PPFIA1: variants seen among roughly 807,000 people sequenced by gnomAD.
PPFIA1 encodes PPFI scaffold protein A1.
A neutral mutation model predicts 149.9 loss-of-function variants in PPFIA1; 25 were observed. The ratio of observed to expected loss-of-function variants is 0.17; its 90% CI spans 0.12 to 0.23. PPFIA1 has a LOEUF of 0.23. Among genes scored for constraint, PPFIA1 ranks in the 10% least tolerant of loss-of-function variants. The pLI, the probability that PPFIA1 is intolerant of heterozygous loss-of-function variation, is 1.00. For missense variants in PPFIA1, 1,362 were observed against 1,506.5 expected (o/e 0.90, Z 1.59); for synonymous variants, 549 against 552.8 (o/e 0.99, Z 0.10).
Position 70,310,745 on chromosome 11 carries a change from C to T in PPFIA1, c.265-13657C>T, listed in dbSNP as rs185830957. Among the ~76,000 whole-genome samples, 141 of 152,232 alleles carry T rather than the reference C, an allele frequency of 9.3e-4. 1 individual carries two copies. The highest frequency in any genetic ancestry group is 3.2e-3 in the African/African-American group (134 of 41,548). On this transcript the variant is annotated intron_variant, in intron 2 of 27. Transcript: ENST00000253925. ...CTCTTTTTCTCTTCCAAATGAAAAC[C>T]CCACTCTGTTTTTGTTAAGTTCAAG...
At chr11:70,300,813 A>G (rs140788202) in intron 2 of PPFIA1, among the ~76,000 whole-genome samples, 19,237 of 152,238 alleles carry the variant, frequency 0.13, 1,331 homozygotes, top group Admixed American at 0.18. Flanking sequence ...GATTACAGGC[A>G]TGAGCCACCG....
In PPFIA1 at chr11:70,303,639, T is replaced by A. The variant is rs183439342; in HGVS notation, c.265-20763T>A. ...TCTCAAGCTCCTGGACTCTCTGGAG[T>A]ACTGAGAGTGTCCTTATGTGCTGAT... On this transcript the variant is annotated intron_variant, in intron 2 of 27. Transcript: ENST00000253925. 3.1e-4 allele frequency among the ~76,000 whole-genome samples: 47 copies of A among 152,222 alleles called. 1 individual carries two copies. Among genetic ancestry groups the A allele is most frequent in the African/African-American group, 1.1e-3 (45 of 41,542 alleles).
chr11:70,335,346 C>T (rs1296120218), intron 10 of PPFIA1, among the ~76,000 whole-genome samples: 1 of 152,076 alleles, frequency 6.6e-6, no homozygotes, highest in Non-Finnish European at 1.5e-5. Flanking sequence ...AGCAGTGGGA[C>T]CTTCTAGTTA....
chr11:70,372,485 T>G lies in PPFIA1; in HGVS notation c.3050T>G (p.Phe1017Cys). ...TCTTTTCTTCCAAATAGAAACAGTT[T>G]CCAGTGTGGAATTATGTGCCTGAGA... ...KMVDSFHRNS[F>C]QCGIMCLRRL... The change falls in exon 23 of 28, where the codon TTC becomes TGC. Residue 1017 changes from phenylalanine (F) to cysteine (C), a missense_variant. Transcript: ENST00000253925. 1 of 1,613,982 alleles carries G rather than the reference T, an allele frequency of 6.2e-7. No individual in the cohort carries two copies. The highest frequency in any genetic ancestry group is 8.5e-7 in the Non-Finnish European group (1 of 1,179,846).
intron 2 of PPFIA1, among the ~76,000 whole-genome samples, chr11:70,305,908 G>T (rs2052814094): frequency 6.6e-6 from 1 of 152,164 alleles, no homozygotes; most frequent in African/African-American, 2.4e-5. Context: ...TATACTGTTA[G>T]GTAATAGGGT....
At chr11:70,369,518 G>A (rs919373506) in intron 21 of PPFIA1, among the ~76,000 whole-genome samples, 25 of 150,378 alleles carry the variant, frequency 1.7e-4, no homozygotes, top group East Asian at 5.8e-4. Flanking sequence ...GGAACACTTC[G>A]TGTAGAATCG....
chr11:70,380,690 A>G (rs2057677718), intron 26 of PPFIA1, among the ~76,000 whole-genome samples: 1 of 151,586 alleles, frequency 6.6e-6, no homozygotes, highest in African/African-American at 2.4e-5. Context: ...AGCCGAAATC[A>G]TGCCACTGTA....
At chr11:70,342,340 C>T (rs974109224) in intron 14 of PPFIA1, among the ~76,000 whole-genome samples, 2 of 151,980 alleles carry the variant, frequency 1.3e-5, no homozygotes, top group African/African-American at 2.4e-5. Context: ...ATGGGAAGGT[C>T]GCCAGTTGGG....
rs10678167 is a variant in PPFIA1, at chr11:70,284,503, G to GACAC, written c.264+12067_264+12068insACAC. 1.1e-3 allele frequency among the ~76,000 whole-genome samples: 163 copies of GACAC among 152,120 alleles called. 3 individuals carry two copies. Among genetic ancestry groups the GACAC allele is most frequent in the African/African-American group, 3.5e-3 (147 of 41,464 alleles). On this transcript the variant is annotated intron_variant, in intron 2 of 27. Coordinates refer to ENST00000253925, the MANE Select transcript of PPFIA1 (RefSeq NM_003626.5). Reference sequence around the variant, plus strand: ...GCTCCTGCAGTCAGTGGTAGAGACAGGGTCTCTGCCTGCAGAAGACTTTCA... The same window carrying GACAC: ...GCTCCTGCAGTCAGTGGTAGAGACAGACACGGTCTCTGCCTGCAGAAGACTTTCA...
chr11:70,365,288 G>T (rs908122230), intron 21 of PPFIA1: 36 of 426,428 alleles, frequency 8.4e-5, no homozygotes, highest in African/African-American at 6.5e-4. Context: ...CCTTCTCTGT[G>T]CCTGTGGCTT....
At chr11:70,287,542 C>G (rs906482188) in intron 2 of PPFIA1, among the ~76,000 whole-genome samples, 1 of 151,668 alleles carries the variant, frequency 6.6e-6, no homozygotes, top group Non-Finnish European at 1.5e-5. Flanking sequence ...GTTACCCAGG[C>G]TGGTCTCCAA....
chr11:70,340,145 A>C (rs1337011047), intron 14 of PPFIA1, among the ~76,000 whole-genome samples: 1 of 152,006 alleles, frequency 6.6e-6, no homozygotes, highest in Non-Finnish European at 1.5e-5. Context: ...TTAAAAAAAA[A>C]AAAAAGAAAA....
intron 23 of PPFIA1, 92 bp downstream of exon 23, chr11:70,372,666 A>G: frequency 9.4e-7 from 1 of 1,058,722 alleles, no homozygotes; most frequent in South Asian, 1.4e-5. Context: ...AAAATCAAGA[A>G]AGGCTAAATT....
At chr11:70,330,089 C>T (rs1212963650) in intron 7 of PPFIA1, 84 bp from the exon 8 acceptor site, 1 of 1,284,032 alleles carries the variant, frequency 7.8e-7, no homozygotes. Flanking sequence ...TTGGGATTTA[C>T]TTCAGTTTTT....
Position 70,272,216 on chromosome 11 carries a change from C to A in PPFIA1, c.44C>A (p.Pro15His), listed in dbSNP as rs780955016. Reference protein sequence around the residue: ...VMPTISEAEGPPGGGGGHGSG... With the variant: ...VMPTISEAEGHPGGGGGHGSG... ...CCGACCATCAGCGAAGCAGAAGGCCCCCCTGGAGGAGGTGGAGGCCATGGT... is the reference window on the plus strand; with the variant it reads ...CCGACCATCAGCGAAGCAGAAGGCCACCCTGGAGGAGGTGGAGGCCATGGT... Residue 15 changes from proline to histidine, a missense_variant, in exon 2 of 28, where the codon CCC (proline) becomes CAC (histidine). Transcript: ENST00000253925. The A allele has an allele frequency of 5.6e-6, 9 of 1,614,036 alleles. No individual in the cohort carries two copies. The highest frequency in any genetic ancestry group is 7.6e-6 in the Non-Finnish European group (9 of 1,179,984).
At chr11:70,283,403 C>T (rs1426878140) in intron 2 of PPFIA1, among the ~76,000 whole-genome samples, 2 of 152,138 alleles carry the variant, frequency 1.3e-5, no homozygotes, top group African/African-American at 4.8e-5. Flanking sequence ...GTCTCTCTCC[C>T]AATCTGCCAA....
intron 21 of PPFIA1, chr11:70,363,053 A>G (rs1021250633): frequency 3.3e-5 from 5 of 152,482 alleles, no homozygotes; most frequent in African/African-American, 1.2e-4. Context: ...CTGAGTAATT[A>G]ACATTTGTAC....
At chr11:70,379,714 A>G (rs190371127) in intron 26 of PPFIA1, among the ~76,000 whole-genome samples, 17 of 152,204 alleles carry the variant, frequency 1.1e-4, no homozygotes, top group Non-Finnish European at 2.2e-4. Flanking sequence ...TTTGTTCTCT[A>G]TCACCTGTAT....
At chr11:70,311,475 A>G (rs77972958) in intron 2 of PPFIA1, among the ~76,000 whole-genome samples, 2,323 of 152,302 alleles carry the variant, frequency 0.015, 57 homozygotes, top group African/African-American at 0.052. Flanking sequence ...GAACTGAATT[A>G]ACAGTTGAGA....
Sources: gnomAD v4.1 joint callset for allele counts (sites outside exome capture counted in the v4.1 genomes callset) on GRCh38, gnomAD v4.1.1 for gene constraint, MANE v1.5 for transcripts, NCBI Gene and HGNC (gene_info 2026-07-23, HGNC 2026-07-21) for gene names.